COX10: variants seen among roughly 807,000 people sequenced by gnomAD.
COX10 encodes the protein protoheme IX farnesyltransferase, mitochondrial.
COX10 carries 27 observed loss-of-function variants against 37.3 expected under a neutral mutation model. The ratio of observed to expected loss-of-function variants is 0.72; its 90% CI spans 0.53 to 1.00. COX10 has a LOEUF of 1.00. Ranked by LOEUF, COX10 falls within the 50% of genes least tolerant of loss-of-function variation. The probability of loss-of-function intolerance (pLI) is 0.00; values close to 1 mark genes in which losing one functional copy is unlikely to be tolerated. For missense variants in COX10, 475 were observed against 563.2 expected (o/e 0.84, Z 1.59); for synonymous variants, 222 against 229.1 (o/e 0.97, Z 0.28).
At chr17:14,180,787 T>C (rs969785258) in intron 5 of COX10, among the ~76,000 whole-genome samples, 2 of 152,188 alleles carry the variant, frequency 1.3e-5, no homozygotes, top group African/African-American at 2.4e-5. Context: ...TCCTCTCTTT[T>C]CCCATAAGAC....
intron 4 of COX10, among the ~76,000 whole-genome samples, chr17:14,108,285 A>T (rs1915940596): frequency 6.6e-6 from 1 of 152,180 alleles, no homozygotes; most frequent in African/African-American, 2.4e-5. Flanking sequence ...AGCATTGTAC[A>T]TACATTAGAT....
chr17:14,097,969 G>GA (rs1003566294), intron 3 of COX10, among the ~76,000 whole-genome samples: 6 of 150,780 alleles, frequency 4.0e-5, no homozygotes, highest in Middle Eastern at 6.9e-3. Context: ...ATAATGACAG[G>GA]AAAAAAAAAG....
At chr17:14,096,713 G>A (rs118053740) in intron 3 of COX10, among the ~76,000 whole-genome samples, 1 of 151,994 alleles carries the variant, frequency 6.6e-6, no homozygotes. Context: ...TTAAATTGTG[G>A]GAAACATAGT....
intron 4 of COX10, among the ~76,000 whole-genome samples, chr17:14,130,406 T>A (rs759806632): frequency 7.9e-5 from 12 of 152,188 alleles, no homozygotes; most frequent in Non-Finnish European, 1.5e-4. Flanking sequence ...CTGATAGAGT[T>A]ACTTGTAATA....
At chr17:14,202,878 T>C (rs1906588643) in intron 6 of COX10, among the ~76,000 whole-genome samples, 1 of 152,148 alleles carries the variant, frequency 6.6e-6, no homozygotes, top group East Asian at 1.9e-4. Context: ...AGAGGCCTAC[T>C]GGGACCTTTC....
chr17:14,134,360 T>C (rs1916532129), intron 4 of COX10, among the ~76,000 whole-genome samples: 1 of 151,876 alleles, frequency 6.6e-6, no homozygotes. Context: ...AGCTTTTTTT[T>C]CAATCATCAA....
At chr17:14,077,611 A>G (rs1915186951) in intron 3 of COX10, among the ~76,000 whole-genome samples, 1 of 152,212 alleles carries the variant, frequency 6.6e-6, no homozygotes, top group Non-Finnish European at 1.5e-5. Flanking sequence ...TGCCATAATT[A>G]AGTGATTTGG....
At chr17:14,122,709 C>T (rs538746371) in intron 4 of COX10, among the ~76,000 whole-genome samples, 3 of 152,140 alleles carry the variant, frequency 2.0e-5, no homozygotes, top group African/African-American at 7.2e-5. Context: ...TTCATTGCCA[C>T]AGAATACTTG....
intron 4 of COX10, among the ~76,000 whole-genome samples, chr17:14,123,463 T>G (rs1916269478): frequency 6.6e-6 from 1 of 152,184 alleles, no homozygotes; most frequent in Non-Finnish European, 1.5e-5. Flanking sequence ...CTATGAACAT[T>G]AAGACTTCTT....
At chr17:14,171,433 C>T (rs1357266056) in intron 5 of COX10, among the ~76,000 whole-genome samples, 1 of 151,738 alleles carries the variant, frequency 6.6e-6, no homozygotes, top group African/African-American at 2.4e-5. Context: ...AGGCACACTT[C>T]TGTGTCTTGT....
chr17:14,080,910 T>C lies in COX10; in HGVS notation c.499+3854T>C, dbSNP rs150801023. On this transcript the variant is annotated intron_variant, in intron 3 of 6. Transcript: ENST00000261643. Reference sequence around the variant, plus strand: ...CTAGAAAGGTTTCATCACCCTGTGGTTACAAAAACATTCACTCATGTTTTC... The same window carrying C: ...CTAGAAAGGTTTCATCACCCTGTGGCTACAAAAACATTCACTCATGTTTTC... Among the ~76,000 whole-genome samples, 85 of 152,294 alleles carry C rather than the reference T, an allele frequency of 5.6e-4. No individual in the cohort carries two copies. In the East Asian group the frequency reaches 0.014, roughly 25 times the overall value.
intron 6 of COX10, among the ~76,000 whole-genome samples, chr17:14,200,077 G>T (rs1313647418): frequency 1.3e-5 from 2 of 152,158 alleles, no homozygotes; most frequent in African/African-American, 4.8e-5. Context: ...CGTGGATGGT[G>T]AGTGACAATG....
intron 4 of COX10, among the ~76,000 whole-genome samples, chr17:14,128,396 A>G (rs1916391172): frequency 6.6e-6 from 1 of 152,182 alleles, no homozygotes; most frequent in African/African-American, 2.4e-5. Flanking sequence ...AATAAAAAAT[A>G]CTAAATATCA....
In COX10 at chr17:14,207,028, A is replaced by G. The variant is rs1567615310; in HGVS notation, c.1147A>G (p.Ile383Val). The G allele has an allele frequency of 1.2e-6, 2 of 1,614,054 alleles. No homozygotes were observed. The highest frequency in any genetic ancestry group is 1.7e-6 in the Non-Finnish European group (2 of 1,179,916). The change falls in exon 7 of 7, where the codon ATC (isoleucine) becomes GTC (valine). Residue 383 changes from isoleucine to valine, a missense_variant. Around this residue, in one of 5 missense-constraint regions of COX10, gnomAD observed 160 missense variants for 180.6 expected, o/e 0.89. Coordinates refer to ENST00000261643, the MANE Select transcript of COX10 (RefSeq NM_001303.4). ...VLDITTWTFP[I>V]MALPINAYIS... ...GGACATCACCACATGGACCTTCCCC[A>G]TCATGGCCCTTCCCATCAATGCGTA...
At chr17:14,090,102 T>C (rs1015577836) in intron 3 of COX10, among the ~76,000 whole-genome samples, 4 of 151,930 alleles carry the variant, frequency 2.6e-5, no homozygotes, top group African/African-American at 9.7e-5. Context: ...TGGGGTCCTC[T>C]TAGATTCTGC....
At chr17:14,206,722 C>A in intron 6 of COX10, 88 bp from the exon 7 acceptor site, 1 of 1,525,624 alleles carries the variant, frequency 6.6e-7, no homozygotes, top group Non-Finnish European at 9.1e-7. Flanking sequence ...AGGTGCCAGG[C>A]AGGCTCTCCC....
intron 3 of COX10, among the ~76,000 whole-genome samples, chr17:14,079,215 A>G (rs570120736): frequency 6.6e-6 from 1 of 152,386 alleles, no homozygotes; most frequent in East Asian, 1.9e-4. Flanking sequence ...CATGCTGGAC[A>G]CATGGGAGAC....
intron 3 of COX10, among the ~76,000 whole-genome samples, chr17:14,088,376 A>G (rs1187759069): frequency 6.6e-6 from 1 of 151,668 alleles, no homozygotes; most frequent in East Asian, 1.9e-4. Context: ...TTATTCCATC[A>G]TTTCAGTTGG....
chr17:14,158,610 G>C (rs1905104561), intron 4 of COX10, among the ~76,000 whole-genome samples: 1 of 152,018 alleles, frequency 6.6e-6, no homozygotes, highest in African/African-American at 2.4e-5. Context: ...AGTCAGACCA[G>C]GAATTTCTGA....
Sources: allele counts gnomAD v4.1 joint callset (sites outside exome capture counted in the v4.1 genomes callset), GRCh38; gene constraint gnomAD v4.1.1; regional missense constraint gnomAD v4.1.1; transcripts MANE v1.5; gene names NCBI Gene and HGNC (gene_info 2026-07-23, HGNC 2026-07-21).